The following EPHA6 variants were observed in gnomAD, a reference collection of about 807,000 sequenced individuals.
EPHA6 encodes EPH receptor A6, also known as ephrin type-A receptor 6.
Under a neutral mutation model 112.0 loss-of-function variants are expected in EPHA6, and 50 were observed. The observed-to-expected ratio is 0.45, with a 90% CI of 0.36 to 0.56. The LOEUF is 0.56. Ranked by LOEUF, EPHA6 falls within the 20% of genes least tolerant of loss-of-function variation. EPHA6 has a pLI of 0.00. For missense variants in EPHA6, 1,280 were observed against 1,417.4 expected (o/e 0.90, Z 1.56); for synonymous variants, 529 against 490.7 (o/e 1.08, Z -1.03).
At chr3:97,740,648 T>A (rs17703255) in intron 16 of EPHA6, among the ~76,000 whole-genome samples, 3,515 of 152,238 alleles carry the variant, frequency 0.023, 52 homozygotes, top group Middle Eastern at 0.048. Flanking sequence ...CCAATACCAT[T>A]ATTTAGAACC....
In EPHA6 at chr3:97,027,794, C is replaced by G. The variant is rs149564834; in HGVS notation, c.1114+39801C>G. On this transcript the variant is annotated intron_variant, in intron 3 of 17. Coordinates refer to ENST00000389672, the MANE Select transcript of EPHA6 (RefSeq NM_001080448.3). ...AAAAATGTCTATTTTTATTAACATCCCTTTGTGGCCGTAACTACTATTAGG... is the reference window on the plus strand; with the variant it reads ...AAAAATGTCTATTTTTATTAACATCGCTTTGTGGCCGTAACTACTATTAGG... 2.8e-3 allele frequency among the ~76,000 whole-genome samples: 428 copies of G among 152,164 alleles called. 2 individuals carry two copies. The highest frequency in any genetic ancestry group is 1.0e-2 in the African/African-American group (414 of 41,542).
intron 3 of EPHA6, chr3:97,010,249 A>G: frequency 2.1e-6 from 1 of 465,784 alleles, no homozygotes; most frequent in South Asian, 2.2e-5. Flanking sequence ...TCATGTAATA[A>G]CTTGTAGCAG....
intron 3 of EPHA6, among the ~76,000 whole-genome samples, chr3:97,069,144 C>T (rs1250475884): frequency 6.6e-6 from 1 of 152,080 alleles, no homozygotes; most frequent in Non-Finnish European, 1.5e-5. Flanking sequence ...CCTACTCGAC[C>T]AAATGCCTTA....
intron 3 of EPHA6, among the ~76,000 whole-genome samples, chr3:97,033,667 A>G (rs2044967363): frequency 6.6e-6 from 1 of 151,986 alleles, no homozygotes; most frequent in South Asian, 2.1e-4. Context: ...GAGGAATGTC[A>G]ACTCAGATTT....
At chr3:97,478,197 A>T (rs1299013138) in intron 8 of EPHA6, among the ~76,000 whole-genome samples, 1 of 152,174 alleles carries the variant, frequency 6.6e-6, no homozygotes, top group Admixed American at 6.5e-5. Flanking sequence ...TGTATCTTGT[A>T]GAACATAAGT....
At chr3:97,447,011 TAATTC>T (rs2090368601) in intron 6 of EPHA6, among the ~76,000 whole-genome samples, 1 of 152,172 alleles carries the variant, frequency 6.6e-6, no homozygotes, top group East Asian at 1.9e-4. Flanking sequence ...TTGCTGTTCT[TAATTC>T]AATTTTTTTC....
chr3:97,023,706 C>T (rs2044541852), intron 3 of EPHA6, among the ~76,000 whole-genome samples: 1 of 150,300 alleles, frequency 6.7e-6, no homozygotes, highest in African/African-American at 2.4e-5. Context: ...AAACTATTTC[C>T]TATTTATATT....
intron 5 of EPHA6, among the ~76,000 whole-genome samples, chr3:97,321,659 T>A (rs1240277033): frequency 6.6e-6 from 1 of 151,870 alleles, no homozygotes; most frequent in Admixed American, 6.6e-5. Flanking sequence ...GTTAGCTTTT[T>A]TAAAGTGACA....
At chr3:97,610,719 C>T in intron 12 of EPHA6, 74 bp from the exon 13 acceptor site, 2 of 1,148,000 alleles carry the variant, frequency 1.7e-6, no homozygotes. Context: ...GTTGCCACAG[C>T]TGGGTATCTC....
chr3:97,062,550 A>C (rs2046054729), intron 3 of EPHA6, among the ~76,000 whole-genome samples: 2 of 152,190 alleles, frequency 1.3e-5, no homozygotes, highest in Non-Finnish European at 2.9e-5. Flanking sequence ...GTCTGCCCCA[A>C]CCCAAATCTC....
chr3:96,996,689 A>G (rs1336778320), intron 3 of EPHA6, among the ~76,000 whole-genome samples: 1 of 152,048 alleles, frequency 6.6e-6, no homozygotes. Context: ...AATTCTCCAT[A>G]AACCATGCTG....
chr3:97,690,386 C>T (rs2107705771), intron 14 of EPHA6, among the ~76,000 whole-genome samples: 1 of 151,898 alleles, frequency 6.6e-6, no homozygotes, highest in South Asian at 2.1e-4. Context: ...ACTTGCATTT[C>T]CCTAATTACT....
chr3:97,466,538 A>G (rs1001489271), intron 7 of EPHA6: 7 of 794,936 alleles, frequency 8.8e-6, no homozygotes, highest in Middle Eastern at 2.3e-4. Context: ...AGGCTCTCCA[A>G]TGATGTCTTC....
chr3:97,634,736 A>T (rs955846236), intron 13 of EPHA6, among the ~76,000 whole-genome samples: 10 of 151,846 alleles, frequency 6.6e-5, no homozygotes, highest in Admixed American at 3.9e-4. Context: ...GTTTGAGCCA[A>T]CTCTGAGGAG....
At chr3:97,472,957 A>G (rs2091269493) in intron 7 of EPHA6, among the ~76,000 whole-genome samples, 1 of 151,628 alleles carries the variant, frequency 6.6e-6, no homozygotes, top group Admixed American at 6.6e-5. Flanking sequence ...TTGAGAAAGT[A>G]ACTGTTTAAA....
chr3:97,597,616 G>A (rs1368294075), intron 12 of EPHA6, among the ~76,000 whole-genome samples: 1 of 152,092 alleles, frequency 6.6e-6, no homozygotes, highest in Non-Finnish European at 1.5e-5. Context: ...CATTTCTATA[G>A]CAAAGGACAT....
At chr3:96,898,487 A>G (rs1044901034) in intron 2 of EPHA6, among the ~76,000 whole-genome samples, 2 of 152,166 alleles carry the variant, frequency 1.3e-5, no homozygotes, top group African/African-American at 4.8e-5. Context: ...CAAAATTATC[A>G]TTCAAAATTG....
intron 2 of EPHA6, among the ~76,000 whole-genome samples, chr3:96,910,766 A>G (rs1244087259): frequency 6.6e-6 from 1 of 152,008 alleles, no homozygotes; most frequent in African/African-American, 2.4e-5. Context: ...CCAATTCATC[A>G]TGTTATATCC....
chr3:97,282,758 GT>G (rs758846203), intron 5 of EPHA6, among the ~76,000 whole-genome samples: 3 of 152,122 alleles, frequency 2.0e-5, no homozygotes, highest in Non-Finnish European at 4.4e-5. Context: ...AACACCACAT[GT>G]TCTCACTCAT....
Sources: gnomAD v4.1 joint callset for allele counts (sites outside exome capture counted in the v4.1 genomes callset) on GRCh38, gnomAD v4.1.1 for gene constraint, MANE v1.5 for transcripts, NCBI Gene and HGNC (gene_info 2026-07-23, HGNC 2026-07-21) for gene names.